The following IL1R1 variants were observed in gnomAD, a reference collection of about 807,000 sequenced individuals.
IL1R1 encodes interleukin 1 receptor type 1.
Under a neutral mutation model 50.2 loss-of-function variants are expected in IL1R1, and 22 were observed. The observed-to-expected ratio is 0.44, with a 90% confidence interval of 0.31 to 0.63. The LOEUF (loss-of-function observed/expected upper bound fraction) is 0.63, where lower values mean the gene tolerates loss of function less well. Among genes scored for constraint, IL1R1 ranks in the 20% least tolerant of loss-of-function variants. IL1R1 has a pLI of 0.07. For missense variants in IL1R1, 509 were observed against 676.2 expected (o/e 0.75, Z 2.74); for synonymous variants, 251 against 236.7 (o/e 1.06, Z -0.55).
chr2:102,129,725 A>G (rs764265389), intron 1 of IL1R1, among the ~76,000 whole-genome samples: 1 of 152,098 alleles, frequency 6.6e-6, no homozygotes, highest in Non-Finnish European at 1.5e-5. Flanking sequence ...TCTTGCTCCT[A>G]TGTAGACACT....
rs192687060 is a variant in IL1R1 at position 102,098,636 on chromosome 2, A to G, written c.-84+28103A>G. Among the ~76,000 whole-genome samples, 483 of 152,304 alleles carry G rather than the reference A, an allele frequency of 3.2e-3. 4 individuals carry two copies. The highest frequency in any genetic ancestry group is 0.011 in the African/African-American group (460 of 41,566). ...GAAAGTATGATTATGAAAGCCATAT[A>G]ATAGCATAAAAACTATTTGTTAAGT... On this transcript the variant is annotated intron_variant, in intron 1 of 11. Coordinates refer to the IL1R1 transcript ENST00000409929.
chr2:102,093,611 G>T (rs77339092), intron 1 of IL1R1, among the ~76,000 whole-genome samples: 1 of 152,100 alleles, frequency 6.6e-6, no homozygotes, highest in African/African-American at 2.4e-5. Context: ...GCATTTTTTC[G>T]TGTGCTTATT....
At chr2:102,159,083 G>A (rs1460173761) in intron 3 of IL1R1, among the ~76,000 whole-genome samples, 1 of 152,222 alleles carries the variant, frequency 6.6e-6, no homozygotes, top group Admixed American at 6.5e-5. Context: ...TGCCATTGAT[G>A]AGATGGGGAA....
upstream of IL1R1, among the ~76,000 whole-genome samples, chr2:102,140,004 A>G (rs1682555436): frequency 6.6e-6 from 1 of 152,170 alleles, no homozygotes; most frequent in African/African-American, 2.4e-5. Context: ...TCTAGTAAAG[A>G]GCAGCTCCCT....
chr2:102,088,067 C>G (rs1679504372), intron 1 of IL1R1, among the ~76,000 whole-genome samples: 1 of 152,184 alleles, frequency 6.6e-6, no homozygotes, highest in South Asian at 2.1e-4. Flanking sequence ...TCTTGAACCC[C>G]TTAAAGTCAT....
intron 1 of IL1R1, among the ~76,000 whole-genome samples, chr2:102,082,080 C>T (rs1401968499): frequency 2.0e-5 from 3 of 152,184 alleles, no homozygotes; most frequent in African/African-American, 7.2e-5. Context: ...AACACCTTGG[C>T]ATTCACTTCC....
intron 1 of IL1R1, among the ~76,000 whole-genome samples, chr2:102,118,598 C>G (rs1681222963): frequency 6.6e-6 from 1 of 152,102 alleles, no homozygotes; most frequent in Non-Finnish European, 1.5e-5. Context: ...TGTGCTAACT[C>G]CAGTTAGTAT....
At chr2:102,165,519 A>G (rs1375211960) in intron 5 of IL1R1, among the ~76,000 whole-genome samples, 4 of 152,232 alleles carry the variant, frequency 2.6e-5, no homozygotes, top group African/African-American at 7.2e-5. Context: ...ATTTAATTTA[A>G]TAAGATGTAA....
At chr2:102,123,499 G>T (rs1681514605) in intron 1 of IL1R1, among the ~76,000 whole-genome samples, 1 of 152,218 alleles carries the variant, frequency 6.6e-6, no homozygotes, top group South Asian at 2.1e-4. Flanking sequence ...ACATAGGACA[G>T]CCACAGTGGC....
At chr2:102,099,909 G>A (rs1168091034), upstream of IL1R1, among the ~76,000 whole-genome samples, 18 of 152,150 alleles carry the variant, frequency 1.2e-4, no homozygotes, top group Non-Finnish European at 2.9e-5. Flanking sequence ...TATCTTAATG[G>A]CGTCTTTTGG....
At chr2:102,112,311 CGTGTGTGTGTGTGT>C (rs146015817) in intron 1 of IL1R1, among the ~76,000 whole-genome samples, 2 of 147,912 alleles carry the variant, frequency 1.4e-5, no homozygotes, top group South Asian at 2.2e-4. Context: ...TGGGGATTAA[CGTGTGTGTGTGTGT>C]GTGTGTGTGT....
At chr2:102,154,760 A>G (rs1484618881) in intron 2 of IL1R1, among the ~76,000 whole-genome samples, 2 of 152,096 alleles carry the variant, frequency 1.3e-5, no homozygotes, top group Non-Finnish European at 2.9e-5. Flanking sequence ...TTGGCTTAAA[A>G]CCTGTACATG....
At chr2:102,118,673 G>A (rs1003822454) in intron 1 of IL1R1, among the ~76,000 whole-genome samples, 17 of 152,154 alleles carry the variant, frequency 1.1e-4, no homozygotes, top group Admixed American at 6.5e-4. Context: ...AGTATTCCTT[G>A]ACATCGCTTC....
chr2:102,076,848 G>A (rs927762363), intron 1 of IL1R1, among the ~76,000 whole-genome samples: 2 of 151,936 alleles, frequency 1.3e-5, no homozygotes, highest in Middle Eastern at 3.4e-3. Context: ...TGTATTTGGG[G>A]GGTTTGTAGC....
chr2:102,176,723 G>A lies in IL1R1; in HGVS notation c.1674G>A (p.Glu558=). 1 of 1,614,188 alleles carries A rather than the reference G, an allele frequency of 6.2e-7. No homozygotes were observed. The highest frequency in any genetic ancestry group is 2.2e-5 in the East Asian group (1 of 44,882). The change falls in exon 12 of 12, where the codon GAG becomes GAA. Residue 558 remains glutamate, a synonymous_variant. Coordinates refer to ENST00000410023, the MANE Select transcript of IL1R1 (RefSeq NM_000877.4). The stretch of plus-strand genomic sequence containing the variant: ...AGTTACTGTCACCAGCCACTAAGGA[G>A]AAACTGCAAAGAGAGGCTCACGTGC... ...KHQLLSPATK[E]KLQREAHVPL...
intron 1 of IL1R1, among the ~76,000 whole-genome samples, chr2:102,071,541 T>C (rs898119778): frequency 2.6e-5 from 4 of 152,238 alleles, no homozygotes; most frequent in African/African-American, 9.6e-5. Flanking sequence ...GCTGAAAGTA[T>C]CAGAAAGTGG....
chr2:102,082,485 G>A (rs1679255091), intron 1 of IL1R1, among the ~76,000 whole-genome samples: 1 of 152,042 alleles, frequency 6.6e-6, no homozygotes, highest in African/African-American at 2.4e-5. Context: ...TAATTTACTT[G>A]GTATAAGAAC....
At chr2:102,164,582 G>T (rs3917284) in intron 3 of IL1R1, among the ~76,000 whole-genome samples, 192 bp from the exon 4 acceptor site, 4,058 of 152,236 alleles carry the variant, frequency 0.027, 134 homozygotes, top group African/African-American at 0.074. Flanking sequence ...CACACAGGCA[G>T]TAAGTGATGC....
chr2:102,112,595 A>T (rs1482342774), intron 1 of IL1R1, among the ~76,000 whole-genome samples: 1 of 152,170 alleles, frequency 6.6e-6, no homozygotes, highest in East Asian at 1.9e-4. Context: ...CAGGTGTAAC[A>T]TGGGATGGGG....
Sources: allele counts gnomAD v4.1 joint callset (sites outside exome capture counted in the v4.1 genomes callset), GRCh38; gene constraint gnomAD v4.1.1; transcripts MANE v1.5; gene names NCBI Gene and HGNC (gene_info 2026-07-23, HGNC 2026-07-21).